Variants in HAUS6 observed in about 807,000 individuals in gnomAD.
The protein encoded by HAUS6 is HAUS augmin-like complex subunit 6.
A neutral mutation model predicts 106.8 loss-of-function variants in HAUS6; 80 were observed. The observed-to-expected ratio is 0.75, with a 90% CI of 0.63 to 0.90. HAUS6 has a LOEUF of 0.90. Ranked by LOEUF, HAUS6 falls within the 40% of genes least tolerant of loss-of-function variation. HAUS6 has a pLI of 0.00. For synonymous variants in HAUS6, 356 were observed against 379.1 expected, an observed-to-expected ratio of 0.94 and a Z score of 0.71; for missense variants, 1,155 against 1,118.1, an observed-to-expected ratio of 1.03 and a Z score of -0.47.
At chr9:19,092,118 A>G (rs1484184190) in intron 4 of HAUS6, among the ~76,000 whole-genome samples, 1 of 152,182 alleles carries the variant, frequency 6.6e-6, no homozygotes, top group African/African-American at 2.4e-5. Context: ...TACGATGCTA[A>G]TAAGCCTTTA....
At chr9:19,074,335 A>C (rs958976249) in intron 11 of HAUS6, among the ~76,000 whole-genome samples, 1 of 152,106 alleles carries the variant, frequency 6.6e-6, no homozygotes, top group East Asian at 1.9e-4. Context: ...GCAGTGGAGC[A>C]GTAATAGATC....
At chr9:19,089,305 A>T in intron 5 of HAUS6, 107 bp downstream of exon 5, 1 of 698,948 alleles carries the variant, frequency 1.4e-6, no homozygotes, top group Non-Finnish European at 2.4e-6. Flanking sequence ...ATAGAAAGAT[A>T]ACCGCCAAGG....
intron 11 of HAUS6, among the ~76,000 whole-genome samples, chr9:19,070,925 G>A (rs1050912686): frequency 6.6e-6 from 1 of 152,234 alleles, no homozygotes; most frequent in East Asian, 1.9e-4. Flanking sequence ...GGTACTGAGA[G>A]AACGAGGTAC....
rs1469402336 is a variant in HAUS6 at position 19,089,535 on chromosome 9, G to A, written c.461C>T (p.Thr154Ile). The change falls in exon 5 of 17, where the codon ACA (threonine) becomes ATA (isoleucine). Residue 154 changes from threonine to isoleucine, a missense_variant. Thr to Ile is a moderately conservative substitution (Grantham distance 89, BLOSUM62 -1). Coordinates refer to ENST00000380502, the MANE Select transcript of HAUS6 (RefSeq NM_017645.5). ...SKNSSHHFVE[T>I]FNIKPQDLHK... is the part of the protein sequence containing the mutation. Reference sequence around the variant, plus strand: ...CAAGTCCTGTGGTTTTATGTTAAATGTCTCTACAAAATGATGAGAAGAATC... The same window carrying A: ...CAAGTCCTGTGGTTTTATGTTAAATATCTCTACAAAATGATGAGAAGAATC... The A allele has an allele frequency of 6.2e-7, 1 of 1,610,078 alleles. No homozygotes were observed.
chr9:19,076,308 T>G (rs1837002992), intron 11 of HAUS6, among the ~76,000 whole-genome samples: 1 of 151,934 alleles, frequency 6.6e-6, no homozygotes, highest in South Asian at 2.1e-4. Flanking sequence ...GAGCTGAGAT[T>G]GTTCGACTGC....
rs750326234 is a variant in HAUS6, at chr9:19,087,124, G to C, written c.617C>G (p.Ser206Cys). The change falls in exon 6 of 17, where the codon TCT (serine) becomes TGT (cysteine). Residue 206 changes from serine to cysteine, a missense_variant. Physicochemically the swap from Ser to Cys is moderately radical, Grantham distance 112 (BLOSUM62 -1). Around this residue, in one of 3 missense-constraint regions of HAUS6, gnomAD observed 761 missense variants for 690.0 expected, o/e 1.10. Transcript: ENST00000380502. ...TTGGTTTTCCAATCCTATACATTCAGATCTCAAGTTTCGTACCTGCTTAAC... is the reference window on the plus strand; with the variant it reads ...TTGGTTTTCCAATCCTATACATTCACATCTCAAGTTTCGTACCTGCTTAAC... ...LSVKQVRNLRSECIGLENQIK... is the reference protein window; with the variant it reads ...LSVKQVRNLRCECIGLENQIK... The C allele has an allele frequency of 6.5e-7, 1 of 1,541,758 alleles. No individual in the cohort carries two copies. Among genetic ancestry groups the C allele is most frequent in the Non-Finnish European group, 9.0e-7 (1 of 1,114,734 alleles).
intron 9 of HAUS6, 29 bp downstream of exon 9, chr9:19,080,450 C>T (rs1837115326): frequency 6.8e-7 from 1 of 1,463,920 alleles, no homozygotes; most frequent in Admixed American, 1.7e-5. Flanking sequence ...ACTCCTCCCA[C>T]AGTAAAATAA....
intron 12 of HAUS6, among the ~76,000 whole-genome samples, chr9:19,067,005 C>CAA (rs1216759685): frequency 8.3e-6 from 1 of 119,816 alleles, no homozygotes. Flanking sequence ...AGTCCCTTCT[C>CAA]AAAAAAAAAA....
chr9:19,058,266 C>G lies in HAUS6; in HGVS notation c.2501G>C (p.Arg834Pro). The change falls in exon 16 of 17, where the codon CGC (arginine) becomes CCC (proline). Residue 834 changes from arginine to proline, a missense_variant. Physicochemically the swap from Arg to Pro is moderately radical, Grantham distance 103. This residue lies in a region of HAUS6 where 380 missense variants were observed against 394.8 expected (regional missense o/e 0.96). Coordinates refer to ENST00000380502, the MANE Select transcript of HAUS6 (RefSeq NM_017645.5). Reference protein sequence around the residue: ...PESDFNLQALRSRYEALKKSL... With the variant: ...PESDFNLQALPSRYEALKKSL... The stretch of plus-strand genomic sequence containing the variant: ...TTTCTTCAGAGCCTCGTATCTACTG[C>G]GAAGAGCCTGTAAATTAAAGTCTGA... 2 of 1,613,776 alleles carry G rather than the reference C, an allele frequency of 1.2e-6. No homozygotes were observed. The highest frequency in any genetic ancestry group is 2.2e-5 in the South Asian group (2 of 91,056).
chr9:19,081,102 G>A (rs74613951), intron 8 of HAUS6, among the ~76,000 whole-genome samples: 12 of 147,182 alleles, frequency 8.2e-5, no homozygotes, highest in Non-Finnish European at 7.5e-5. Flanking sequence ...AAAGCGGGGG[G>A]AAAAAAATCA....
chr9:19,076,206 A>T (rs951609437), intron 11 of HAUS6, among the ~76,000 whole-genome samples: 15 of 151,860 alleles, frequency 9.9e-5, no homozygotes, highest in Non-Finnish European at 1.6e-4. Flanking sequence ...CAAAAAAAAA[A>T]AAATATAAAA....
At position 19,082,909 on chromosome 9, in the gene HAUS6, C is replaced by G. The variant is rs374670382; in HGVS notation, c.834G>C (p.Arg278Ser). Residue 278 changes from arginine (R) to serine (S), a missense_variant, in exon 8 of 17, where the codon AGG becomes AGC. By Grantham distance (110) the Arg-to-Ser change is moderately radical. Coordinates refer to ENST00000380502, the MANE Select transcript of HAUS6 (RefSeq NM_017645.5). ...DGTNVAINIP[R>S]LLLDKIEKQM... ...GTTTCTCAATTTTGTCAAGTAAGAGCCTTGGAATATTAATAGCAACATTAG... is the reference window on the plus strand; with the variant it reads ...GTTTCTCAATTTTGTCAAGTAAGAGGCTTGGAATATTAATAGCAACATTAG... 6.6e-7 allele frequency: 1 copy of G among 1,525,778 alleles called. No homozygotes were observed. The allele number at this position is 1,525,778 out of a possible 1,614,324, so 94.5% of individuals were successfully genotyped here.
At chr9:19,088,713 C>CA (rs111426176) in intron 5 of HAUS6, among the ~76,000 whole-genome samples, 2,830 of 114,358 alleles carry the variant, frequency 0.025, 52 homozygotes, top group South Asian at 0.071. Context: ...ACTATAAATA[C>CA]AAAAAAAAAA....
chr9:19,092,916 C>CAAAAA (rs71494998), intron 4 of HAUS6, among the ~76,000 whole-genome samples: 5 of 76,214 alleles, frequency 6.6e-5, no homozygotes, highest in East Asian at 8.6e-4. Context: ...AACTGTGTCT[C>CAAAAA]AAAAAAAAAA....
chr9:19,067,246 CAAA>C (rs1367982806), intron 12 of HAUS6, among the ~76,000 whole-genome samples: 1 of 151,908 alleles, frequency 6.6e-6, no homozygotes, highest in East Asian at 1.9e-4. Context: ...GAACTACATG[CAAA>C]AAAGGTATTA....
At chr9:19,074,258 A>G (rs1836941879) in intron 11 of HAUS6, among the ~76,000 whole-genome samples, 1 of 152,148 alleles carries the variant, frequency 6.6e-6, no homozygotes, top group Non-Finnish European at 1.5e-5. Flanking sequence ...AAAAAATCAA[A>G]AAAATTTAAG....
intron 1 of HAUS6, among the ~76,000 whole-genome samples, chr9:19,099,741 G>C (rs1247752445): frequency 6.6e-6 from 1 of 152,192 alleles, no homozygotes; most frequent in Non-Finnish European, 1.5e-5. Flanking sequence ...ATTTACAAAT[G>C]CATCGAGCAA....
chr9:19,053,351 TTTTAA>T lies in HAUS6; in HGVS notation c.*2987_*2991del, dbSNP rs1313022092. 6 of 152,184 alleles carry T rather than the reference TTTTAA, an allele frequency of 3.9e-5. No individual in the cohort carries two copies. Among genetic ancestry groups the T allele is most frequent in the African/African-American group, 1.4e-4 (6 of 41,454 alleles). 9.4% of individuals were successfully genotyped at this position (152,184 alleles called of 1,614,324 possible). A position where few individuals can be genotyped will look rare whatever the true frequency, so the allele number is the denominator to read the frequency against. On this transcript the variant is annotated 3_prime_UTR_variant, in exon 17 of 17. Coordinates refer to ENST00000380502, the MANE Select transcript of HAUS6 (RefSeq NM_017645.5). ...ATTGAGGAAAACGTCATTAAACGTATTTTAATTTTAGTACTCTCACAGTAGGAAGA... is the reference window on the plus strand; with the variant it reads ...ATTGAGGAAAACGTCATTAAACGTATTTTTAGTACTCTCACAGTAGGAAGA...
chr9:19,080,919 A>G (rs1361570650), intron 8 of HAUS6, among the ~76,000 whole-genome samples: 1 of 152,072 alleles, frequency 6.6e-6, no homozygotes, highest in African/African-American at 2.4e-5. Flanking sequence ...CTAAAAATAC[A>G]AAATTAGCTG....
Sources: allele counts gnomAD v4.1 joint callset (sites outside exome capture counted in the v4.1 genomes callset), GRCh38; gene constraint gnomAD v4.1.1; regional missense constraint gnomAD v4.1.1; transcripts MANE v1.5; gene names NCBI Gene and HGNC (gene_info 2026-07-23, HGNC 2026-07-21).